The following EXOC2 variants were observed in gnomAD, a reference collection of about 807,000 sequenced individuals.
EXOC2 encodes SEC5-like 1.
Under a neutral mutation model 131.8 loss-of-function variants are expected in EXOC2, and 70 were observed. The observed-to-expected ratio is 0.53, with a 90% CI of 0.44 to 0.65. The LOEUF (loss-of-function observed/expected upper bound fraction) is 0.65, where lower values mean the gene tolerates loss of function less well. Ranked by LOEUF, EXOC2 falls within the 30% of genes least tolerant of loss-of-function variation. The pLI, the probability that EXOC2 is intolerant of heterozygous loss-of-function variation, is 0.00. For missense variants in EXOC2, 923 were observed against 1,108.6 expected (o/e 0.83, Z 2.38); for synonymous variants, 411 against 398.4 (o/e 1.03, Z -0.38).
At chr6:578,060 A>G (rs1758681206) in intron 11 of EXOC2, among the ~76,000 whole-genome samples, 1 of 152,216 alleles carries the variant, frequency 6.6e-6, no homozygotes. Flanking sequence ...CTGTTTTCTC[A>G]GGGATAAGAA....
At chr6:613,900 A>T (rs1043040635) in intron 6 of EXOC2, among the ~76,000 whole-genome samples, 1 of 151,978 alleles carries the variant, frequency 6.6e-6, no homozygotes, top group East Asian at 1.9e-4. Flanking sequence ...ATAAATAAAT[A>T]AAATAAAATA....
rs758532498 is a variant in EXOC2, at chr6:493,975, C to T, written c.2560-2789G>A. 1.9e-4 allele frequency among the ~76,000 whole-genome samples: 29 copies of T among 152,236 alleles called. 1 individual carries two copies. The highest frequency in any genetic ancestry group is 3.1e-4 in the Non-Finnish European group (21 of 68,014). On this transcript the variant is annotated intron_variant, in intron 25 of 27. Coordinates refer to ENST00000230449, the MANE Select transcript of EXOC2 (RefSeq NM_018303.6). ...TTACGGAGGTAATGTGTAGAGAGGG[C>T]GGATGCCTGTTAAAATTCTAAGACT...
intron 1 of EXOC2, chr6:656,796 T>C (rs1346837331): frequency 2.5e-6 from 4 of 1,604,964 alleles, no homozygotes; most frequent in Admixed American, 1.7e-5. Context: ...CCTGGCCTCG[T>C]GGAGGCCGCC....
chr6:541,136 C>G (rs1189473569), intron 22 of EXOC2, among the ~76,000 whole-genome samples: 2 of 152,190 alleles, frequency 1.3e-5, no homozygotes, highest in Admixed American at 6.5e-5. Flanking sequence ...TCTCTGACCT[C>G]AGAACAATGA....
Position 555,252 on chromosome 6 carries a change from G to A in EXOC2, c.2029C>T (p.Pro677Ser). 2.0e-6 allele frequency: 3 copies of A among 1,524,562 alleles called. No individual in the cohort carries two copies. The highest frequency in any genetic ancestry group is 2.3e-5 in the East Asian group (1 of 43,606). The allele number at this position is 1,524,562 out of a possible 1,614,324, so 94.4% of individuals were successfully genotyped here. ...TGTGTAGTATCTATATCTGCATCAG[G>A]CTTGGTGCTCAACTGTTCCAGACAG... ...IYCLEQLSTK[P>S]DADIDTTHLS... Residue 677 changes from proline to serine, a missense_variant, in exon 20 of 28, where the codon CCT (proline) becomes TCT (serine). Transcript: ENST00000230449.
chr6:659,800 G>C (rs1763330677), intron 1 of EXOC2, among the ~76,000 whole-genome samples: 2 of 151,520 alleles, frequency 1.3e-5, no homozygotes, highest in Non-Finnish European at 2.9e-5. Context: ...CAACTCCACA[G>C]GGAGAAGGAA....
Position 651,425 on chromosome 6 carries a change from G to T in EXOC2, c.-43-13564C>A, listed in dbSNP as rs370849925. Among the ~76,000 whole-genome samples the T allele has an allele frequency of 1.3e-4, 20 of 152,064 alleles. No individual in the cohort carries two copies. In the East Asian group the frequency reaches 3.9e-3, roughly 30 times the overall value. On this transcript the variant is annotated intron_variant, in intron 1 of 27. Coordinates refer to ENST00000230449, the MANE Select transcript of EXOC2 (RefSeq NM_018303.6). The stretch of plus-strand genomic sequence containing the variant: ...TCCCAACACTTTGGGAGGCTGAGGC[G>T]GGCAGATAACTTGAGGTCAGGAGTT...
At chr6:619,572 T>A in intron 4 of EXOC2, 29 bp from the exon 5 acceptor site, 1 of 1,515,084 alleles carries the variant, frequency 6.6e-7, no homozygotes, top group Non-Finnish European at 9.2e-7. Flanking sequence ...TAAAATATAT[T>A]TCAATGGTTA....
At chr6:647,125 G>C (rs571890629) in intron 1 of EXOC2, among the ~76,000 whole-genome samples, 1 of 152,136 alleles carries the variant, frequency 6.6e-6, no homozygotes, top group Admixed American at 6.5e-5. Context: ...TTATTTTCTT[G>C]ACACTATTAA....
chr6:514,684 C>T (rs1765042135), intron 23 of EXOC2, among the ~76,000 whole-genome samples: 1 of 152,152 alleles, frequency 6.6e-6, no homozygotes, highest in Non-Finnish European at 1.5e-5. Flanking sequence ...AAAGGGGTCG[C>T]CCCTGGGGCA....
At chr6:602,732 C>T (rs531112693) in intron 7 of EXOC2, among the ~76,000 whole-genome samples, 1 of 152,332 alleles carries the variant, frequency 6.6e-6, no homozygotes, top group East Asian at 1.9e-4. Flanking sequence ...ATGCCTCTCA[C>T]TGTCTCGGTC....
intron 9 of EXOC2, among the ~76,000 whole-genome samples, chr6:598,447 T>G (rs1006441233): frequency 6.6e-6 from 1 of 152,252 alleles, no homozygotes; most frequent in Admixed American, 6.5e-5. Context: ...TGGTGGACTG[T>G]AACTCTGGCA....
chr6:637,770 C>T lies in EXOC2; in HGVS notation c.49G>A (p.Glu17Lys). ...PPLVTGISPNEGIPWTKVTIR... is the reference protein window; with the variant it reads ...PPLVTGISPNKGIPWTKVTIR... ...GTGACCTTCGTCCATGGTATCCCTT[C>T]ATTTGGAGAGATGCCGGTCACAAGG... is the stretch of plus-strand genomic sequence containing the variant. The change falls in exon 2 of 28, where the codon GAA (glutamate) becomes AAA (lysine). Residue 17 changes from glutamate (E) to lysine (K), a missense_variant. Coordinates refer to ENST00000230449, the MANE Select transcript of EXOC2 (RefSeq NM_018303.6). The T allele has an allele frequency of 6.2e-7, 1 of 1,613,916 alleles. No individual in the cohort carries two copies. Among genetic ancestry groups the T allele is most frequent in the South Asian group, 1.1e-5 (1 of 90,984 alleles).
At chr6:489,155 T>C (rs1357321587) in intron 26 of EXOC2, 117 bp from the exon 27 acceptor site, 17 of 934,836 alleles carry the variant, frequency 1.8e-5, no homozygotes, top group Non-Finnish European at 2.4e-5. Flanking sequence ...CAAGGAAATA[T>C]GAGAAAAAGT....
In EXOC2 at chr6:572,628, A is replaced by C; in HGVS notation, c.1335T>G (p.Thr445=). ...TTTCAACAAAGGCCACCCTGTGGGG[A>C]GTTTTGTATCTCCACGCTAAGGGGG... is the stretch of plus-strand genomic sequence containing the variant. ...SGRDDTWRYK[T]PHRVAFVEKL... Residue 445 remains threonine, a synonymous_variant, in exon 13 of 28, where the codon ACT becomes ACG. Transcript: ENST00000230449. The C allele has an allele frequency of 6.2e-7, 1 of 1,613,566 alleles. No homozygotes were observed. The highest frequency in any genetic ancestry group is 2.2e-5 in the East Asian group (1 of 44,886).
chr6:567,627 C>T (rs927194650), intron 13 of EXOC2, among the ~76,000 whole-genome samples: 17 of 151,722 alleles, frequency 1.1e-4, no homozygotes, highest in Non-Finnish European at 1.9e-4. Context: ...ATGTGTTATA[C>T]ATTAATGTTT....
At chr6:533,539 G>A (rs1220512495) in intron 22 of EXOC2, among the ~76,000 whole-genome samples, 2 of 152,138 alleles carry the variant, frequency 1.3e-5, no homozygotes, top group African/African-American at 4.8e-5. Context: ...GGGCAAAAAG[G>A]AACAGGAAAG....
chr6:659,331 A>G (rs1763306544), intron 1 of EXOC2, among the ~76,000 whole-genome samples: 1 of 152,190 alleles, frequency 6.6e-6, no homozygotes, highest in Non-Finnish European at 1.5e-5. Context: ...CCAAACTGTC[A>G]TTAGCGCCCC....
At chr6:497,308 C>T (rs1400679814) in intron 25 of EXOC2, 59 bp downstream of exon 25, 3 of 1,544,446 alleles carry the variant, frequency 1.9e-6, no homozygotes, top group Non-Finnish European at 2.7e-6. Flanking sequence ...TGACTAAAAA[C>T]ATTTTATATG....
Sources: allele counts gnomAD v4.1 joint callset (sites outside exome capture counted in the v4.1 genomes callset), GRCh38; gene constraint gnomAD v4.1.1; transcripts MANE v1.5; gene names NCBI Gene and HGNC (gene_info 2026-07-23, HGNC 2026-07-21).